GPC3: variants seen among roughly 807,000 people sequenced by gnomAD.
GPC3 encodes glypican 3.
GPC3 carries 3 observed loss-of-function variants against 34.4 expected under a neutral mutation model. The ratio of observed to expected loss-of-function variants is 0.09; its 90% confidence interval spans 0.04 to 0.23. The LOEUF (loss-of-function observed/expected upper bound fraction) is 0.23. Ranked by LOEUF, GPC3 falls within the 10% of genes least tolerant of loss-of-function variation. The probability of loss-of-function intolerance (pLI) is 1.00; values close to 1 mark genes in which losing one functional copy is unlikely to be tolerated. For missense variants in GPC3, 351 were observed against 445.6 expected, an observed-to-expected ratio of 0.79 and a Z score of 1.91; for synonymous variants, 177 against 174.0, an observed-to-expected ratio of 1.02 and a Z score of -0.13.
intron 7 of GPC3, among the ~76,000 whole-genome samples, chrX:133,580,998 C>G (rs2069726453): frequency 8.9e-6 from 1 of 112,338 alleles, no homozygotes; most frequent in South Asian, 3.7e-4. Context: ...AGGAGTTCCA[C>G]TCGAACTCTA....
chrX:133,701,367 G>A (rs1410541508), intron 3 of GPC3, among the ~76,000 whole-genome samples: 2 of 111,952 alleles, frequency 1.8e-5, no homozygotes, highest in Non-Finnish European at 3.8e-5. Flanking sequence ...GCATGAGGCA[G>A]AAAAACAGTG....
chrX:133,755,876 G>A (rs951997828), intron 2 of GPC3, among the ~76,000 whole-genome samples: 1 of 112,188 alleles, frequency 8.9e-6, no homozygotes, highest in Non-Finnish European at 1.9e-5. Context: ...GCCCAATACA[G>A]AGGACCAGTC....
chrX:133,549,454 A>G (rs1193682420), intron 7 of GPC3, among the ~76,000 whole-genome samples: 3 of 111,045 alleles, frequency 2.7e-5, no homozygotes, highest in African/African-American at 9.8e-5. Context: ...GAGCCTCCCC[A>G]GCTCATCTTT....
intron 2 of GPC3, among the ~76,000 whole-genome samples, chrX:133,769,735 A>C (rs145217961): frequency 0.015 from 1,650 of 112,198 alleles, 31 homozygotes; most frequent in African/African-American, 0.048. Flanking sequence ...TTCAGCAACT[A>C]TCTGAAGAGC....
At chrX:133,898,666 G>A (rs1334518732) in intron 2 of GPC3, among the ~76,000 whole-genome samples, 1 of 111,899 alleles carries the variant, frequency 8.9e-6, no homozygotes, top group Non-Finnish European at 1.9e-5. Flanking sequence ...GGTAATGACC[G>A]AAACACAATG....
At chrX:133,679,557 T>C (rs1377476011) in intron 5 of GPC3, among the ~76,000 whole-genome samples, 2 of 111,487 alleles carry the variant, frequency 1.8e-5, no homozygotes, top group Non-Finnish European at 3.8e-5. Flanking sequence ...TCCTACGAAT[T>C]CAATAAACAT....
At chrX:133,712,776 T>C (rs1035812759) in intron 3 of GPC3, among the ~76,000 whole-genome samples, 4 of 110,215 alleles carry the variant, frequency 3.6e-5, no homozygotes, top group African/African-American at 1.3e-4. Context: ...TCCCAGCTAC[T>C]TGGGAGGCTG....
chrX:133,614,359 A>G (rs1298755928), intron 6 of GPC3, among the ~76,000 whole-genome samples: 2 of 111,727 alleles, frequency 1.8e-5, no homozygotes, highest in African/African-American at 6.5e-5. Flanking sequence ...GAAAGCAGTG[A>G]AAGAAGAGAT....
intron 2 of GPC3, among the ~76,000 whole-genome samples, chrX:133,937,555 C>T (rs1249210974): frequency 9.2e-6 from 1 of 108,871 alleles, no homozygotes; most frequent in East Asian, 2.9e-4. Context: ...GTGTACAGTA[C>T]AATTTTATTT....
At chrX:133,794,165 C>T (rs776329498) in intron 2 of GPC3, among the ~76,000 whole-genome samples, 1 of 112,190 alleles carries the variant, frequency 8.9e-6, no homozygotes, top group Non-Finnish European at 1.9e-5. Flanking sequence ...GTGTTTTTAT[C>T]CCAATTGCCC....
chrX:133,605,176 G>GA (rs2070034683), intron 6 of GPC3, among the ~76,000 whole-genome samples: 4 of 109,215 alleles, frequency 3.7e-5, no homozygotes, highest in African/African-American at 1.3e-4. Context: ...CACACGTGGG[G>GA]GGGGGGCAAT....
chrX:133,686,910 CT>C (rs1259717808), intron 5 of GPC3, among the ~76,000 whole-genome samples: 1 of 102,829 alleles, frequency 9.7e-6, no homozygotes, highest in East Asian at 2.9e-4. Flanking sequence ...GGTTGATTTT[CT>C]TTTTTTGTTT....
At chrX:133,980,763 G>A (rs1391842976) in intron 1 of GPC3, among the ~76,000 whole-genome samples, 2 of 112,197 alleles carry the variant, frequency 1.8e-5, no homozygotes, top group African/African-American at 3.2e-5. Flanking sequence ...TGAAGTTGGC[G>A]TGGTCATTGA....
Position 133,558,903 on chromosome X carries a change from G to GTAAGTAAA in GPC3, c.1574-22611_1574-22610insTTTACTTA, listed in dbSNP as rs769131029. Among the ~76,000 whole-genome samples the GTAAGTAAA allele has an allele frequency of 2.1e-3, 214 of 102,600 alleles. 1 individual carries two copies. The highest frequency in any genetic ancestry group is 7.3e-3 in the African/African-American group (198 of 26,989). 89.1% of individuals were successfully genotyped at this position (102,600 alleles called of 115,157 possible). A position where few individuals can be genotyped will look rare whatever the true frequency, so the allele number is the denominator to read the frequency against. On this transcript the variant is annotated intron_variant, in intron 7 of 7. Transcript: ENST00000370818. ...AAGACTCTGTCTCAAAAATAAGTAA[G>GTAAGTAAA]TAAATAAATAAATAAATAAATAAAT... is the stretch of plus-strand genomic sequence containing the variant.
At chrX:133,772,055 TCTC>T (rs2124494968) in intron 2 of GPC3, among the ~76,000 whole-genome samples, 1 of 111,261 alleles carries the variant, frequency 9.0e-6, no homozygotes, top group African/African-American at 3.3e-5. Flanking sequence ...TCCCTTTCCT[TCTC>T]CTGTATTTAG....
rs758384595 is a variant in GPC3 at position 133,946,922 on chromosome X, A to AT, written c.337+6127dup. Among the ~76,000 whole-genome samples, 3 of 111,320 alleles carry AT rather than the reference A, an allele frequency of 2.7e-5. No individual in the cohort carries two copies. The South Asian group carries it at 1.2e-3, about 43-fold the overall frequency. On this transcript the variant is annotated intron_variant, in intron 2 of 7. Coordinates refer to ENST00000370818, the MANE Select transcript of GPC3 (RefSeq NM_004484.4). The stretch of plus-strand genomic sequence containing the variant: ...AGTCCCTGGAAGTATCTCACAGTCA[A>AT]TAGAAGGGAAGGGGCTTTTAATTTC...
intron 2 of GPC3, among the ~76,000 whole-genome samples, chrX:133,847,462 C>G (rs1362226677): frequency 8.9e-6 from 1 of 112,334 alleles, no homozygotes; most frequent in Non-Finnish European, 1.9e-5. Context: ...TGAAAGCAGA[C>G]ATCCGACTGC....
intron 3 of GPC3, among the ~76,000 whole-genome samples, chrX:133,736,710 A>G (rs2071514248): frequency 8.9e-6 from 1 of 111,759 alleles, no homozygotes; most frequent in Admixed American, 9.5e-5. Context: ...TTTGCCAGGT[A>G]TGGGGGACAG....
chrX:133,961,218 A>T (rs922514905), intron 1 of GPC3, among the ~76,000 whole-genome samples: 2 of 111,268 alleles, frequency 1.8e-5, no homozygotes, highest in Non-Finnish European at 3.8e-5. Context: ...CAGAGGGCGC[A>T]CCTGGGTATC....
Sources: allele counts gnomAD v4.1 joint callset (sites outside exome capture counted in the v4.1 genomes callset), GRCh38; gene constraint gnomAD v4.1.1; transcripts MANE v1.5; gene names NCBI Gene and HGNC (gene_info 2026-07-23, HGNC 2026-07-21).